Variants in RHPN1 observed in about 807,000 individuals in gnomAD.
RHPN1 encodes rhophilin-1.
Under a neutral mutation model 74.7 loss-of-function variants are expected in RHPN1, and 77 were observed. The observed-to-expected ratio is 1.03, with a 90% CI of 0.86 to 1.25. The LOEUF (loss-of-function observed/expected upper bound fraction) is 1.25. RHPN1 is among the 50% of genes most tolerant of loss of function. The pLI, the probability that RHPN1 is intolerant of heterozygous loss-of-function variation, is 0.00. For synonymous variants in RHPN1, 444 were observed against 414.5 expected (o/e 1.07, Z -0.87); for missense variants, 987 against 932.2 (o/e 1.06, Z -0.77).
rs1197570364 is a variant in RHPN1 at position 143,369,037 on chromosome 8, C to G, written c.50C>G (p.Pro17Arg). The change falls in exon 1 of 15, where the codon CCG becomes CGG. Residue 17 changes from proline to arginine, a missense_variant. By Grantham distance (103) the Pro-to-Arg change is moderately radical. Transcript: ENST00000289013. ...GGCGCGGGCGCCGGCGAGGAGAGCC[C>G]GCGGCTGCAGGTGCGCAGAACTGGC... The part of the protein sequence containing the change: ...PDGAGAGEES[P>R]RLQGCDSLTQ... The G allele has an allele frequency of 6.7e-7, 1 of 1,494,842 alleles. No homozygotes were observed. 92.6% of individuals were successfully genotyped at this position (1,494,842 alleles called of 1,614,324 possible).
At chr8:143,377,847 A>G (rs1337783434) in intron 4 of RHPN1, among the ~76,000 whole-genome samples, 1 of 152,146 alleles carries the variant, frequency 6.6e-6, no homozygotes, top group Non-Finnish European at 1.5e-5. Context: ...TCCTGGGGAG[A>G]GCTAGAACAG....
Position 143,378,955 on chromosome 8 carries a change from G to A in RHPN1, c.628G>A (p.Ala210Thr), listed in dbSNP as rs751931109. The A allele has an allele frequency of 1.3e-6, 2 of 1,574,084 alleles. No homozygotes were observed. Among genetic ancestry groups the A allele is most frequent in the African/African-American group, 1.4e-5 (1 of 73,660 alleles). Residue 210 changes from alanine to threonine, a missense_variant, in exon 7 of 15, where the codon GCC (alanine) becomes ACC (threonine). Transcript: ENST00000289013. ...TGVPAQQRALAFEKGSVLFNI... is the reference protein window; with the variant it reads ...TGVPAQQRALTFEKGSVLFNI... ...GGTCCCGGCCCAGCAGCGTGCCCTG[G>A]CCTTCGAGAAGGGCAGCGTTCTCTT...
chr8:143,377,108 A>G (rs1252678722), intron 3 of RHPN1, among the ~76,000 whole-genome samples: 1 of 145,838 alleles, frequency 6.9e-6, no homozygotes, highest in Non-Finnish European at 1.5e-5. Flanking sequence ...GTGCGTGCGC[A>G]TGTGTGTCTG....
rs750524515 is a variant in RHPN1, at chr8:143,378,973, G to A, written c.646G>A (p.Val216Ile). 7.7e-6 allele frequency: 12 copies of A among 1,563,850 alleles called. No individual in the cohort carries two copies. The highest frequency in any genetic ancestry group is 5.6e-5 in the Admixed American group (3 of 53,118). ...QRALAFEKGSVLFNIGALHTQ... is the reference protein window; with the variant it reads ...QRALAFEKGSILFNIGALHTQ... Reference sequence around the variant, plus strand: ...TGCCCTGGCCTTCGAGAAGGGCAGCGTTCTCTTCAACATCGGTGCCCTCCA... The same window carrying A: ...TGCCCTGGCCTTCGAGAAGGGCAGCATTCTCTTCAACATCGGTGCCCTCCA... Residue 216 changes from valine to isoleucine, a missense_variant, in exon 7 of 15, where the codon GTT (valine) becomes ATT (isoleucine). Val to Ile is a conservative substitution (Grantham distance 29, BLOSUM62 3). Coordinates refer to ENST00000289013, the MANE Select transcript of RHPN1 (RefSeq NM_052924.3).
chr8:143,378,955 G>T lies in RHPN1; in HGVS notation c.628G>T (p.Ala210Ser). 6.4e-7 allele frequency: 1 copy of T among 1,574,202 alleles called. No individual in the cohort carries two copies. Among genetic ancestry groups the T allele is most frequent in the Non-Finnish European group, 8.6e-7 (1 of 1,160,696 alleles). ...TGVPAQQRAL[A>S]FEKGSVLFNI... is the part of the protein sequence containing the mutation. The stretch of plus-strand genomic sequence containing the variant: ...GGTCCCGGCCCAGCAGCGTGCCCTG[G>T]CCTTCGAGAAGGGCAGCGTTCTCTT... The change falls in exon 7 of 15, where the codon GCC becomes TCC. Residue 210 changes from alanine (A) to serine (S), a missense_variant. Transcript: ENST00000289013.
upstream of RHPN1, among the ~76,000 whole-genome samples, chr8:143,365,197 T>C (rs1473229045): frequency 6.6e-6 from 1 of 152,086 alleles, no homozygotes; most frequent in Admixed American, 6.5e-5. Context: ...CAACCTCCAC[T>C]AATTAAGGCT....
chr8:143,381,481 C>T (rs982370795), intron 12 of RHPN1, 91 bp from the exon 13 acceptor site: 2 of 1,500,510 alleles, frequency 1.3e-6, no homozygotes, highest in African/African-American at 1.4e-5. Context: ...CACGGTGTCC[C>T]TCGGTGCACA....
intron 1 of RHPN1, among the ~76,000 whole-genome samples, chr8:143,372,515 G>GGGGGC (rs1417866776): frequency 6.6e-6 from 1 of 152,082 alleles, no homozygotes; most frequent in Non-Finnish European, 1.5e-5. Flanking sequence ...TGGTGTCCAC[G>GGGGGC]GGGGCAGGGC....
intron 2 of RHPN1, 67 bp downstream of exon 2, chr8:143,375,735 C>G: frequency 8.1e-7 from 1 of 1,235,152 alleles, no homozygotes; most frequent in Non-Finnish European, 1.1e-6. Context: ...AGGACAGCCA[C>G]GCAGGCAGAT....
chr8:143,381,522 C>T, intron 12 of RHPN1, 50 bp from the exon 13 acceptor site: 2 of 1,565,768 alleles, frequency 1.3e-6, no homozygotes, highest in Non-Finnish European at 1.7e-6. Context: ...CAGGCGGGGT[C>T]TCCTCAGTGT....
chr8:143,370,260 G>A (rs1295539677), intron 1 of RHPN1, among the ~76,000 whole-genome samples: 1 of 152,242 alleles, frequency 6.6e-6, no homozygotes, highest in Non-Finnish European at 1.5e-5. Context: ...TTGGGGAGAA[G>A]CTGTTTCCAG....
At chr8:143,378,131 C>T (rs955780963) in intron 4 of RHPN1, 138 bp from the exon 5 acceptor site, 75 of 721,578 alleles carry the variant, frequency 1.0e-4, no homozygotes, top group Non-Finnish European at 1.5e-4. Flanking sequence ...AGGGCCCCCA[C>T]GCTGCATGGC....
At chr8:143,376,277 C>A (rs1818210246) in intron 2 of RHPN1, among the ~76,000 whole-genome samples, 1 of 152,220 alleles carries the variant, frequency 6.6e-6, no homozygotes, top group Non-Finnish European at 1.5e-5. Context: ...GAGGGAGGTG[C>A]CCCCAGGCCA....
chr8:143,364,760 A>C (rs1817539886), upstream of RHPN1, among the ~76,000 whole-genome samples: 1 of 152,174 alleles, frequency 6.6e-6, no homozygotes, highest in Non-Finnish European at 1.5e-5. The surrounding 1 kb of genome is among the most constrained non-coding windows in gnomAD (Gnocchi z 4.5). Flanking sequence ...CTGAATGATG[A>C]ATGGCTTTCT....
At chr8:143,379,587 C>A in intron 8 of RHPN1, 79 bp downstream of exon 8, 1 of 1,465,774 alleles carries the variant, frequency 6.8e-7, no homozygotes, top group Non-Finnish European at 9.0e-7. Flanking sequence ...CATGCGTGAG[C>A]TCTCCCACCT....
intron 3 of RHPN1, among the ~76,000 whole-genome samples, chr8:143,376,870 A>ATGTGTGCATTGTG (rs56074270): frequency 6.7e-6 from 1 of 148,290 alleles, no homozygotes; most frequent in Non-Finnish European, 1.5e-5. Context: ...CTGTGTGTAT[A>ATGTGTGCATTGTG]TGTGTGTGCA....
At chr8:143,380,542 GC>G (rs1190644697) in intron 10 of RHPN1, 46 bp from the exon 11 acceptor site, 1 of 1,430,842 alleles carries the variant, frequency 7.0e-7, no homozygotes, top group Admixed American at 2.7e-5. Context: ...ACGTCCCAGG[GC>G]CCACGGGCCC....
upstream of RHPN1, chr8:143,368,285 C>T (rs944359083): frequency 6.5e-6 from 1 of 153,740 alleles, no homozygotes; most frequent in Non-Finnish European, 1.5e-5. Context: ...GACAGAGGCG[C>T]CTCGGACTGG....
chr8:143,371,700 G>A (rs1817831663), intron 1 of RHPN1, among the ~76,000 whole-genome samples: 1 of 152,204 alleles, frequency 6.6e-6, no homozygotes, highest in South Asian at 2.1e-4. Flanking sequence ...CTTCATGTGT[G>A]GCTGCCTCTC....
Sources: gnomAD v4.1 joint callset for allele counts (sites outside exome capture counted in the v4.1 genomes callset) on GRCh38, gnomAD v4.1.1 for gene constraint, Gnocchi (gnomAD v3.1) non-coding constraint, MANE v1.5 for transcripts, NCBI Gene and HGNC (gene_info 2026-07-23, HGNC 2026-07-21) for gene names.